CPLX2: variants seen among roughly 807,000 people sequenced by gnomAD.
CPLX2 encodes complexin-2.
Under a neutral mutation model 16.3 loss-of-function variants are expected in CPLX2, and 5 were observed. The ratio of observed to expected loss-of-function variants is 0.31; its 90% CI spans 0.16 to 0.64. CPLX2 has a LOEUF of 0.64. Ranked by LOEUF, CPLX2 falls within the 30% of genes least tolerant of loss-of-function variation. The pLI, the probability that CPLX2 is intolerant of heterozygous loss-of-function variation, is 0.79. For synonymous variants in CPLX2, 89 were observed against 73.2 expected (o/e 1.22, Z -1.10); for missense variants, 144 against 181.4 (o/e 0.79, Z 1.18).
chr5:175,820,353 G>A (rs11134933), intron 2 of CPLX2, among the ~76,000 whole-genome samples: 24,664 of 152,224 alleles, frequency 0.16, 2,466 homozygotes, highest in Middle Eastern at 0.32. Flanking sequence ...GCGGGGCTCC[G>A]TGTTCTGCCC....
intron 1 of CPLX2, among the ~76,000 whole-genome samples, chr5:175,797,378 G>A (rs532458210): frequency 3.5e-5 from 3 of 85,938 alleles, no homozygotes; most frequent in African/African-American, 1.4e-4. Flanking sequence ...GCGGGGCCCA[G>A]CTAAGAGTGG....
intron 2 of CPLX2, among the ~76,000 whole-genome samples, chr5:175,829,179 A>G (rs1671592202): frequency 6.6e-6 from 1 of 152,228 alleles, no homozygotes; most frequent in Non-Finnish European, 1.5e-5. Flanking sequence ...CTCCATAGGC[A>G]GCCTTAAGGC....
chr5:175,836,063 T>C (rs902207100), intron 2 of CPLX2, among the ~76,000 whole-genome samples: 13 of 152,090 alleles, frequency 8.5e-5, no homozygotes, highest in African/African-American at 2.9e-4. Context: ...AAATCTCAAC[T>C]GACTAGGCCA....
intron 2 of CPLX2, among the ~76,000 whole-genome samples, chr5:175,853,435 G>T (rs991761819): frequency 8.5e-5 from 13 of 152,122 alleles, no homozygotes; most frequent in African/African-American, 3.1e-4. Flanking sequence ...TTGTACAGAG[G>T]CTGTCAGGAG....
chr5:175,878,855 C>A, intron 2 of CPLX2, 53 bp from the exon 3 acceptor site: 1 of 1,607,780 alleles, frequency 6.2e-7, no homozygotes, highest in Non-Finnish European at 8.5e-7. Flanking sequence ...CCTCTCTCCC[C>A]AGCCCTGACC....
intron 2 of CPLX2, among the ~76,000 whole-genome samples, chr5:175,823,963 A>T (rs542006220): frequency 6.6e-6 from 1 of 152,288 alleles, no homozygotes; most frequent in East Asian, 1.9e-4. Flanking sequence ...TCAATAATGC[A>T]TGTCCTCCTC....
In CPLX2 at chr5:175,828,348, C is replaced by T. The variant is rs150276930; in HGVS notation, c.-89+19280C>T. Among the ~76,000 whole-genome samples the T allele has an allele frequency of 9.9e-4, 151 of 152,196 alleles. 3 individuals carry two copies. In the South Asian group the frequency reaches 0.023, roughly 23 times the overall value. On this transcript the variant is annotated intron_variant, in intron 2 of 4. Transcript: ENST00000359546. ...ATGATGGTCTGGACGAAAGAAGACT[C>T]GGGGGCATGTGCTCTCTATTACCCA...
intron 2 of CPLX2, among the ~76,000 whole-genome samples, chr5:175,811,081 A>C (rs1758304100): frequency 6.6e-6 from 1 of 152,206 alleles, no homozygotes; most frequent in Non-Finnish European, 1.5e-5. Flanking sequence ...CTGAGGATTA[A>C]ATGAGATAAT....
chr5:175,826,905 T>C (rs1305063800), intron 2 of CPLX2, among the ~76,000 whole-genome samples: 1 of 152,202 alleles, frequency 6.6e-6, no homozygotes, highest in Non-Finnish European at 1.5e-5. Context: ...GTGTGTGTAA[T>C]GAGAAGCTCT....
At chr5:175,874,746 G>A (rs377113665) in intron 1 of CPLX2, among the ~76,000 whole-genome samples, 1 of 152,100 alleles carries the variant, frequency 6.6e-6, no homozygotes, top group Non-Finnish European at 1.5e-5. Context: ...AGGTATCTGT[G>A]GCTAAAGAAG....
chr5:175,812,683 G>A (rs1014778683), intron 2 of CPLX2, among the ~76,000 whole-genome samples: 2 of 152,090 alleles, frequency 1.3e-5, no homozygotes, highest in Admixed American at 6.5e-5. Flanking sequence ...GGGACAGGGT[G>A]GTGCAATGTG....
At chr5:175,837,655 A>C (rs1469032792) in intron 2 of CPLX2, 1 of 149,816 alleles carries the variant, frequency 6.7e-6, no homozygotes, top group Non-Finnish European at 1.5e-5. Flanking sequence ...GTGGTGAATA[A>C]ATTCATTCAG....
chr5:175,814,997 A>G (rs56135633), intron 2 of CPLX2, among the ~76,000 whole-genome samples: 4 of 152,348 alleles, frequency 2.6e-5, no homozygotes, highest in African/African-American at 9.6e-5. Flanking sequence ...AAGGAAAATC[A>G]AAGGGCTGTC....
intron 2 of CPLX2, among the ~76,000 whole-genome samples, chr5:175,836,675 GTT>G (rs1271147550): frequency 6.6e-6 from 1 of 152,228 alleles, no homozygotes; most frequent in Non-Finnish European, 1.5e-5. Flanking sequence ...TTACACAAGG[GTT>G]TTGCATAAGC....
chr5:175,839,459 T>C (rs748067850), intron 2 of CPLX2, among the ~76,000 whole-genome samples: 38 of 152,194 alleles, frequency 2.5e-4, no homozygotes, highest in Non-Finnish European at 5.1e-4. Context: ...CTAATGTTTG[T>C]ATTTTAATAG....
At chr5:175,877,971 C>T (rs1267233660) in intron 1 of CPLX2, among the ~76,000 whole-genome samples, 2 of 152,214 alleles carry the variant, frequency 1.3e-5, no homozygotes, top group Non-Finnish European at 2.9e-5. Context: ...TATAATGTCT[C>T]CAACACTCCC....
intron 1 of CPLX2, among the ~76,000 whole-genome samples, chr5:175,874,017 C>G (rs570318210): frequency 1.3e-5 from 2 of 152,286 alleles, no homozygotes; most frequent in East Asian, 3.9e-4. Flanking sequence ...AGGTGGCACA[C>G]GAGCAGCAAG....
chr5:175,807,453 C>CT, intron 1 of CPLX2, among the ~76,000 whole-genome samples: 1 of 152,220 alleles, frequency 6.6e-6, no homozygotes, highest in African/African-American at 2.4e-5. Flanking sequence ...AGGGAAGATG[C>CT]CATTTGCTCC....
At chr5:175,865,088 G>A (rs1560030) in intron 2 of CPLX2, among the ~76,000 whole-genome samples, 93,683 of 150,602 alleles carry the variant, frequency 0.62, 29,533 homozygotes, top group East Asian at 0.94. Context: ...ATGTGCGCGC[G>A]CGCACACACA....
Sources: gnomAD v4.1 joint callset for allele counts (sites outside exome capture counted in the v4.1 genomes callset) on GRCh38, gnomAD v4.1.1 for gene constraint, MANE v1.5 for transcripts, NCBI Gene and HGNC (gene_info 2026-07-23, HGNC 2026-07-21) for gene names.